Variants in APBA1 observed in about 807,000 individuals in gnomAD.
APBA1 encodes amyloid-beta A4 precursor protein-binding family A member 1.
Under a neutral mutation model 86.6 loss-of-function variants are expected in APBA1, and 55 were observed. The observed-to-expected ratio is 0.64, with a 90% CI of 0.51 to 0.80. The LOEUF is 0.80. Ranked by LOEUF, APBA1 falls within the 30% of genes least tolerant of loss-of-function variation. APBA1 has a pLI of 0.00. For missense variants in APBA1, 1,090 were observed against 1,183.0 expected, an observed-to-expected ratio of 0.92 and a Z score of 1.15; for synonymous variants, 511 against 493.9, an observed-to-expected ratio of 1.03 and a Z score of -0.46.
chr9:69,498,855 G>T (rs1835839531), intron 2 of APBA1, among the ~76,000 whole-genome samples: 1 of 152,100 alleles, frequency 6.6e-6, no homozygotes, highest in Admixed American at 6.5e-5. Flanking sequence ...AAACACAAAG[G>T]TATCAGCAGA....
chr9:69,520,527 T>G (rs1483881856), intron 1 of APBA1, among the ~76,000 whole-genome samples: 2 of 152,226 alleles, frequency 1.3e-5, no homozygotes, highest in African/African-American at 4.8e-5. Context: ...TATTAGGTAC[T>G]GATAAGTACA....
chr9:69,664,254 A>G (rs1823805838), intron 1 of APBA1, among the ~76,000 whole-genome samples: 1 of 152,216 alleles, frequency 6.6e-6, no homozygotes. Context: ...AATTGAAGTA[A>G]ATATTCCTGG....
intron 1 of APBA1, among the ~76,000 whole-genome samples, chr9:69,644,015 A>G (rs1042890936): frequency 9.9e-5 from 15 of 152,212 alleles, no homozygotes; most frequent in African/African-American, 3.4e-4. Context: ...TCACTTCATC[A>G]GGCCTTGGTT....
At chr9:69,486,015 G>T (rs548121868) in intron 2 of APBA1, among the ~76,000 whole-genome samples, 1 of 151,776 alleles carries the variant, frequency 6.6e-6, no homozygotes, top group East Asian at 1.9e-4. Context: ...GCAGTGGTGC[G>T]ATCTTGGCTC....
chr9:69,518,659 A>G (rs1209571176), intron 1 of APBA1, among the ~76,000 whole-genome samples: 1 of 152,200 alleles, frequency 6.6e-6, no homozygotes, highest in African/African-American at 2.4e-5. Context: ...AATAGGCTCA[A>G]CAGTATGTGT....
Position 69,629,234 on chromosome 9 carries a change from C to T in APBA1, c.-70+42919G>A, listed in dbSNP as rs865962034. Among the ~76,000 whole-genome samples the T allele has an allele frequency of 4.4e-4, 67 of 152,244 alleles. 1 individual carries two copies. The highest frequency in any genetic ancestry group is 1.6e-3 in the African/African-American group (66 of 41,550). ...CCAGCATCAAGTATTTAATTAATGA[C>T]AAGATTAATATTTAGAATATTTAAT... On this transcript the variant is annotated intron_variant, in intron 1 of 12. Transcript: ENST00000265381.
chr9:69,604,001 T>C (rs1362608730), intron 1 of APBA1, among the ~76,000 whole-genome samples: 2 of 152,376 alleles, frequency 1.3e-5, no homozygotes, highest in South Asian at 2.1e-4. Context: ...CTTATGATTG[T>C]TGTTTAATAT....
At chr9:69,590,792 G>A (rs1272519984) in intron 1 of APBA1, among the ~76,000 whole-genome samples, 1 of 152,148 alleles carries the variant, frequency 6.6e-6, no homozygotes, top group East Asian at 1.9e-4. Flanking sequence ...GGTGGGGGTG[G>A]GCAGGGGACA....
At chr9:69,455,075 G>C (rs748500181) in intron 8 of APBA1, among the ~76,000 whole-genome samples, 1 of 152,100 alleles carries the variant, frequency 6.6e-6, no homozygotes, top group Non-Finnish European at 1.5e-5. Context: ...GTTCCCCGGA[G>C]AAAAAAGCAG....
chr9:69,471,105 T>C (rs953197974), intron 4 of APBA1, among the ~76,000 whole-genome samples: 1 of 152,090 alleles, frequency 6.6e-6, no homozygotes, highest in African/African-American at 2.4e-5. Context: ...ATGGGGATAA[T>C]AATAAAACTC....
At chr9:69,521,576 T>G (rs573616761) in intron 1 of APBA1, among the ~76,000 whole-genome samples, 4 of 152,094 alleles carry the variant, frequency 2.6e-5, no homozygotes, top group Non-Finnish European at 2.9e-5. Context: ...ACAATAATTA[T>G]GTAAGTAAGT....
chr9:69,500,303 C>T (rs1835862073), intron 2 of APBA1, among the ~76,000 whole-genome samples: 1 of 152,088 alleles, frequency 6.6e-6, no homozygotes, highest in South Asian at 2.1e-4. Flanking sequence ...CTTTGACTTC[C>T]AAATGTAACT....
intron 5 of APBA1, chr9:69,464,081 TC>T (rs563430427): frequency 3.3e-5 from 5 of 152,892 alleles, no homozygotes; most frequent in African/African-American, 1.2e-4. Context: ...GCAAGCTCCT[TC>T]CACTTGAGCC....
At chr9:69,432,042 A>C (rs1166378267) in intron 12 of APBA1, among the ~76,000 whole-genome samples, 1 of 152,232 alleles carries the variant, frequency 6.6e-6, no homozygotes, top group Non-Finnish European at 1.5e-5. Context: ...GACTGACAGT[A>C]GTGATGACTG....
intron 1 of APBA1, among the ~76,000 whole-genome samples, chr9:69,618,843 G>A (rs1247444708): frequency 6.6e-6 from 1 of 152,240 alleles, no homozygotes; most frequent in African/African-American, 2.4e-5. Context: ...GTTAGAGGCA[G>A]AAGAAATGGA....
At chr9:69,589,217 A>C (rs1411775703) in intron 1 of APBA1, among the ~76,000 whole-genome samples, 5 of 152,102 alleles carry the variant, frequency 3.3e-5, no homozygotes, top group Non-Finnish European at 5.9e-5. Context: ...TGGCCTCCCA[A>C]AGTGCTGGGA....
chr9:69,552,697 A>T (rs1422958366), intron 1 of APBA1, among the ~76,000 whole-genome samples: 1 of 152,234 alleles, frequency 6.6e-6, no homozygotes, highest in Admixed American at 6.5e-5. Context: ...AGCTATACTT[A>T]AAAAAGTTGA....
chr9:69,521,634 C>G (rs150047227), intron 1 of APBA1, among the ~76,000 whole-genome samples: 1 of 152,126 alleles, frequency 6.6e-6, no homozygotes, highest in Admixed American at 6.5e-5. Context: ...TAATACAAAA[C>G]AGAGTAACGC....
At chr9:69,495,511 A>G (rs1456876357) in intron 2 of APBA1, among the ~76,000 whole-genome samples, 1 of 151,940 alleles carries the variant, frequency 6.6e-6, no homozygotes, top group East Asian at 1.9e-4. Context: ...CAATCATGCA[A>G]CTGGTAACAG....
Sources: allele counts gnomAD v4.1 joint callset (sites outside exome capture counted in the v4.1 genomes callset), GRCh38; gene constraint gnomAD v4.1.1; transcripts MANE v1.5; gene names NCBI Gene and HGNC (gene_info 2026-07-23, HGNC 2026-07-21).